The following SETBP1 variants were observed in gnomAD, a reference collection of about 807,000 sequenced individuals.
SETBP1 encodes SET-binding protein.
SETBP1 carries 9 observed loss-of-function variants against 101.0 expected under a neutral mutation model. The ratio of observed to expected loss-of-function variants is 0.09; its 90% CI spans 0.05 to 0.16. The LOEUF (loss-of-function observed/expected upper bound fraction) is 0.16, where lower values mean the gene tolerates loss of function less well. Ranked by LOEUF, SETBP1 falls within the 10% of genes least tolerant of loss-of-function variation. SETBP1 has a pLI of 1.00. For missense variants in SETBP1, 1,858 were observed against 2,033.8 expected (o/e 0.91, Z 1.66); for synonymous variants, 818 against 788.5 (o/e 1.04, Z -0.63).
intron 5 of SETBP1, among the ~76,000 whole-genome samples, chr18:45,048,944 A>C (rs998987886): frequency 1.6e-5 from 2 of 126,022 alleles, no homozygotes; most frequent in Non-Finnish European, 3.2e-5. Context: ...TGCAGTCCGC[A>C]GTCCGGCCTG....
At chr18:44,906,371 T>C (rs1338455060) in intron 3 of SETBP1, among the ~76,000 whole-genome samples, 1 of 152,180 alleles carries the variant, frequency 6.6e-6, no homozygotes, top group African/African-American at 2.4e-5. Context: ...GTCCTTAGTG[T>C]TTGTGTGTTC....
At chr18:45,037,838 C>G (rs1198564121) in intron 4 of SETBP1, among the ~76,000 whole-genome samples, 1 of 152,156 alleles carries the variant, frequency 6.6e-6, no homozygotes, top group Admixed American at 6.5e-5. Flanking sequence ...CCCCACAGTT[C>G]ATCTTCCACC....
intron 4 of SETBP1, among the ~76,000 whole-genome samples, chr18:44,985,126 G>C (rs1238698040): frequency 6.6e-6 from 1 of 152,180 alleles, no homozygotes; most frequent in African/African-American, 2.4e-5. Context: ...GGGCGACAGA[G>C]ACTGTCGCCT....
At chr18:44,934,006 C>A (rs1437417708) in intron 3 of SETBP1, among the ~76,000 whole-genome samples, 3 of 152,210 alleles carry the variant, frequency 2.0e-5, no homozygotes, top group African/African-American at 4.8e-5. Flanking sequence ...CACCCGTCTT[C>A]TGCGTCACTC....
chr18:44,723,663 C>G (rs921862709), intron 2 of SETBP1, among the ~76,000 whole-genome samples: 3 of 152,172 alleles, frequency 2.0e-5, no homozygotes, highest in Non-Finnish European at 4.4e-5. Context: ...CTCTCTTGAA[C>G]CTTCCTGAAC....
intron 4 of SETBP1, among the ~76,000 whole-genome samples, chr18:44,975,350 TAC>T (rs1013921174): frequency 6.6e-6 from 1 of 152,218 alleles, no homozygotes; most frequent in Non-Finnish European, 1.5e-5. Flanking sequence ...GCTTCAATTC[TAC>T]AGTCTTGTCA....
intron 2 of SETBP1, among the ~76,000 whole-genome samples, chr18:44,846,332 T>C (rs758172661): frequency 6.6e-6 from 1 of 152,232 alleles, no homozygotes; most frequent in Non-Finnish European, 1.5e-5. Flanking sequence ...TGGTTTTTGG[T>C]GTATTACAAA....
At chr18:44,839,190 G>A (rs992558009) in intron 2 of SETBP1, among the ~76,000 whole-genome samples, 1 of 152,164 alleles carries the variant, frequency 6.6e-6, no homozygotes, top group Non-Finnish European at 1.5e-5. Context: ...ATGCTCAGCT[G>A]GCAGTGTCTT....
In SETBP1 at chr18:44,991,482, TA is replaced by T. The variant is rs1599420093; in HGVS notation, c.4000+38145del. On this transcript the variant is annotated intron_variant, in intron 4 of 5. Coordinates refer to ENST00000649279, the MANE Select transcript of SETBP1 (RefSeq NM_015559.3). ...GGAATAGAAAGTTTGTATACTTATA[TA>T]AATACCATCCAAAATAGTCTTTAAT... Among the ~76,000 whole-genome samples the T allele has an allele frequency of 5.9e-5, 9 of 152,224 alleles. No individual in the cohort carries two copies. In the South Asian group the frequency reaches 1.7e-3, roughly 28 times the overall value.
chr18:44,695,953 C>G (rs1029391754), intron 1 of SETBP1, among the ~76,000 whole-genome samples: 7 of 150,312 alleles, frequency 4.7e-5, no homozygotes, highest in African/African-American at 1.7e-4. Flanking sequence ...GAATTCATTT[C>G]TTTTGACTCC....
At chr18:44,767,575 A>G (rs889214795) in intron 2 of SETBP1, among the ~76,000 whole-genome samples, 4 of 152,210 alleles carry the variant, frequency 2.6e-5, no homozygotes, top group African/African-American at 9.6e-5. Flanking sequence ...AATACTTGTA[A>G]AAAAAGATTA....
At chr18:44,832,718 C>T (rs1255456790) in intron 2 of SETBP1, among the ~76,000 whole-genome samples, 2 of 152,178 alleles carry the variant, frequency 1.3e-5, no homozygotes, top group African/African-American at 2.4e-5. Context: ...ATTACAGGGG[C>T]CTGGCTGGGC....
In SETBP1 at chr18:45,007,613, G is replaced by A. The variant is rs138759001; in HGVS notation, c.4001-30872G>A. Among the ~76,000 whole-genome samples, 3 of 152,230 alleles carry A rather than the reference G, an allele frequency of 2.0e-5. No individual in the cohort carries two copies. In the East Asian group the frequency reaches 5.8e-4, roughly 29 times the overall value. On this transcript the variant is annotated intron_variant, in intron 4 of 5. Coordinates refer to ENST00000649279, the MANE Select transcript of SETBP1 (RefSeq NM_015559.3). ...CCCATCTGGTCTTTCCCATCTCACA[G>A]CTGTGAATTTTTTCCATTTCCCAGT...
chr18:44,840,953 C>T (rs971053312), intron 2 of SETBP1, among the ~76,000 whole-genome samples: 2 of 152,198 alleles, frequency 1.3e-5, no homozygotes, highest in African/African-American at 4.8e-5. Flanking sequence ...ATGATTTGTT[C>T]ATCCTTAACA....
At chr18:44,976,903 C>A (rs1256333003) in intron 4 of SETBP1, among the ~76,000 whole-genome samples, 1 of 152,166 alleles carries the variant, frequency 6.6e-6, no homozygotes, top group African/African-American at 2.4e-5. Context: ...GTTGGTAAGT[C>A]ATAGAGTCAT....
chr18:44,951,902 C>G lies in SETBP1; in HGVS notation c.2562C>G (p.Ser854=), dbSNP rs952977257. 1.2e-6 allele frequency: 2 copies of G among 1,614,010 alleles called. No homozygotes were observed. Among genetic ancestry groups the G allele is most frequent in the Non-Finnish European group, 8.5e-7 (1 of 1,180,026 alleles). The change falls in exon 4 of 6, where the codon TCC becomes TCG. Residue 854 remains serine (S), a synonymous_variant. Transcript: ENST00000649279. This position sits in a 1 kb window ranked among gnomAD's most constrained non-coding sequence, Gnocchi z 7.8. ...EIGSLKEITL[S]PVSESHSEET... Reference sequence around the variant, plus strand: ...GCTCCCTAAAGGAAATCACGCTGTCCCCTGTGAGCGAGTCCCACAGTGAGG... The same window carrying G: ...GCTCCCTAAAGGAAATCACGCTGTCGCCTGTGAGCGAGTCCCACAGTGAGG...
At chr18:44,851,986 G>A (rs892851791) in intron 2 of SETBP1, among the ~76,000 whole-genome samples, 2 of 152,162 alleles carry the variant, frequency 1.3e-5, no homozygotes, top group African/African-American at 4.8e-5. Context: ...CGCCCTCCCA[G>A]GTGCAGGCGG....
At chr18:44,694,925 G>A (rs1317106434) in intron 1 of SETBP1, among the ~76,000 whole-genome samples, 1 of 152,192 alleles carries the variant, frequency 6.6e-6, no homozygotes, top group African/African-American at 2.4e-5. Flanking sequence ...GGAGCATTAA[G>A]AAACAAGGAC....
chr18:44,805,967 T>A (rs753979876), intron 2 of SETBP1, among the ~76,000 whole-genome samples: 1 of 152,150 alleles, frequency 6.6e-6, no homozygotes, highest in Non-Finnish European at 1.5e-5. Flanking sequence ...AGGGGAGAAG[T>A]CTGGTAGATC....
Sources: gnomAD v4.1 joint callset for allele counts (sites outside exome capture counted in the v4.1 genomes callset) on GRCh38, gnomAD v4.1.1 for gene constraint, Gnocchi (gnomAD v3.1) non-coding constraint, MANE v1.5 for transcripts, NCBI Gene and HGNC (gene_info 2026-07-23, HGNC 2026-07-21) for gene names.